The following CSMD1 variants were observed in gnomAD, a reference collection of about 807,000 sequenced individuals.
The protein encoded by CSMD1 is CUB and Sushi multiple domains 1, also known as CUB and sushi domain-containing protein 1.
Under a neutral mutation model 417.5 loss-of-function variants are expected in CSMD1, and 213 were observed. That is an observed-to-expected ratio of 0.51 (90% CI 0.46 to 0.57). The LOEUF (loss-of-function observed/expected upper bound fraction) is 0.57. CSMD1 is among the 20% of genes least tolerant of loss of function. The pLI, the probability that CSMD1 is intolerant of heterozygous loss-of-function variation, is 0.00. For synonymous variants in CSMD1, 2,862 were observed against 1,736.8 expected, an observed-to-expected ratio of 1.65 and a Z score of -16.11; for missense variants, 6,923 against 4,529.7, an observed-to-expected ratio of 1.53 and a Z score of -15.17.
At chr8:4,401,708 C>A (rs982852033) in intron 3 of CSMD1, among the ~76,000 whole-genome samples, 1 of 151,762 alleles carries the variant, frequency 6.6e-6, no homozygotes, top group Non-Finnish European at 1.5e-5. Flanking sequence ...TCTAATCCTC[C>A]TTCTTTGAGA....
At chr8:4,354,022 C>G (rs771372492) in intron 3 of CSMD1, among the ~76,000 whole-genome samples, 1 of 152,178 alleles carries the variant, frequency 6.6e-6, no homozygotes, top group African/African-American at 2.4e-5. Context: ...ATTCTTCAGG[C>G]TTTTTCCTCT....
intron 12 of CSMD1, among the ~76,000 whole-genome samples, chr8:3,459,195 T>G (rs1465842645): frequency 6.6e-6 from 1 of 152,142 alleles, no homozygotes; most frequent in Non-Finnish European, 1.5e-5. Context: ...AGTGACTTGC[T>G]CTGTGGTGGC....
intron 2 of CSMD1, among the ~76,000 whole-genome samples, chr8:4,465,107 T>G (rs1449290494): frequency 6.6e-6 from 1 of 152,162 alleles, no homozygotes; most frequent in Non-Finnish European, 1.5e-5. Context: ...TGGGAGACAC[T>G]AACAGTTAAT....
chr8:3,804,885 T>C (rs1435810258), intron 5 of CSMD1, among the ~76,000 whole-genome samples: 3 of 152,094 alleles, frequency 2.0e-5, no homozygotes, highest in African/African-American at 4.8e-5. Context: ...AAAAGTAGCA[T>C]GGATTAGTGA....
chr8:3,244,934 T>A (rs1445234675), intron 26 of CSMD1, among the ~76,000 whole-genome samples: 1 of 152,154 alleles, frequency 6.6e-6, no homozygotes, highest in Non-Finnish European at 1.5e-5. Context: ...CTGACTCCCT[T>A]CGGGAACATG....
chr8:4,079,647 A>T (rs1800017755), intron 3 of CSMD1, among the ~76,000 whole-genome samples: 1 of 152,228 alleles, frequency 6.6e-6, no homozygotes, highest in Non-Finnish European at 1.5e-5. Context: ...ACACAGACAC[A>T]TTGTTTCAGC....
intron 63 of CSMD1, among the ~76,000 whole-genome samples, chr8:2,956,820 T>C (rs2128922869): frequency 6.6e-6 from 1 of 152,250 alleles, no homozygotes; most frequent in South Asian, 2.1e-4. Flanking sequence ...CACTAATTAG[T>C]AACCACAACA....
At chr8:3,792,490 G>A (rs1002918784) in intron 5 of CSMD1, among the ~76,000 whole-genome samples, 1 of 152,054 alleles carries the variant, frequency 6.6e-6, no homozygotes, top group African/African-American at 2.4e-5. Flanking sequence ...ATGCCAAAGC[G>A]TTTTTGCAAC....
intron 2 of CSMD1, among the ~76,000 whole-genome samples, chr8:4,469,384 G>C (rs975004820): frequency 1.3e-5 from 2 of 152,130 alleles, no homozygotes; most frequent in African/African-American, 4.8e-5. Flanking sequence ...GGTGCAAAAC[G>C]GCTGGTGTCA....
chr8:4,009,677 GA>G (rs1816393866), intron 4 of CSMD1, among the ~76,000 whole-genome samples: 40 of 152,136 alleles, frequency 2.6e-4, no homozygotes, highest in African/African-American at 9.4e-4. Context: ...AATACTGGGA[GA>G]TATTATTGAG....
In CSMD1 at chr8:4,816,032, G is replaced by C. The variant is rs36125005; in HGVS notation, c.85+178300C>G. ...CACGCTATTAAGGAAAGCAGGTGCAGAGGCTTACCAGGTGCACAGATAAAC... is the reference window on the plus strand; with the variant it reads ...CACGCTATTAAGGAAAGCAGGTGCACAGGCTTACCAGGTGCACAGATAAAC... On this transcript the variant is annotated intron_variant, in intron 1 of 69. Transcript: ENST00000635120. 9.5e-3 allele frequency among the ~76,000 whole-genome samples: 1,440 copies of C among 152,288 alleles called. 12 individuals carry two copies. The highest frequency in any genetic ancestry group is 0.016 in the Non-Finnish European group (1,103 of 68,028).
intron 3 of CSMD1, among the ~76,000 whole-genome samples, chr8:4,399,268 C>T (rs1232299655): frequency 2.0e-5 from 3 of 152,112 alleles, no homozygotes; most frequent in Non-Finnish European, 4.4e-5. Context: ...ACAAAAACAG[C>T]AACAAAGGAC....
At chr8:4,629,389 G>C (rs1025142196) in intron 2 of CSMD1, among the ~76,000 whole-genome samples, 1 of 152,076 alleles carries the variant, frequency 6.6e-6, no homozygotes, top group Non-Finnish European at 1.5e-5. Flanking sequence ...TTTTAACTTG[G>C]TTCGAATATA....
intron 3 of CSMD1, among the ~76,000 whole-genome samples, chr8:4,319,824 G>C (rs1214853080): frequency 6.6e-6 from 1 of 152,068 alleles, no homozygotes; most frequent in Non-Finnish European, 1.5e-5. Context: ...AGGACCCTCG[G>C]GGTCTTCAGC....
In CSMD1 at chr8:4,508,836, T is replaced by G. The variant is rs75791074; in HGVS notation, c.303-88771A>C. Among the ~76,000 whole-genome samples the G allele has an allele frequency of 9.4e-3, 1,408 of 150,250 alleles. 27 individuals carry two copies. Among genetic ancestry groups the G allele is most frequent in the African/African-American group, 0.034 (1,354 of 40,300 alleles). Reference sequence around the variant, plus strand: ...ATTTAAAAATATTAAATTTTAGTGGTTTTTTTTTGGAATGTAAGCTTTCTG... The same window carrying G: ...ATTTAAAAATATTAAATTTTAGTGGGTTTTTTTTGGAATGTAAGCTTTCTG... On this transcript the variant is annotated intron_variant, in intron 2 of 69. Coordinates refer to ENST00000635120, the MANE Select transcript of CSMD1 (RefSeq NM_033225.6).
At chr8:4,156,921 G>C (rs537623370) in intron 3 of CSMD1, among the ~76,000 whole-genome samples, 77 of 152,224 alleles carry the variant, frequency 5.1e-4, no homozygotes, top group African/African-American at 1.8e-3. Flanking sequence ...CCGGACATTT[G>C]TGAGGGTTAC....
chr8:4,300,060 A>G (rs1229473293), intron 3 of CSMD1, among the ~76,000 whole-genome samples: 2 of 152,250 alleles, frequency 1.3e-5, no homozygotes, highest in South Asian at 2.1e-4. Context: ...AACTTCTCAT[A>G]CATGTCAGAA....
At chr8:4,698,778 A>G (rs1462053841) in intron 1 of CSMD1, among the ~76,000 whole-genome samples, 1 of 151,748 alleles carries the variant, frequency 6.6e-6, no homozygotes, top group Non-Finnish European at 1.5e-5. Flanking sequence ...ATTCCACCAT[A>G]TAAAAACAAT....
chr8:4,848,396 C>G (rs546397897), intron 1 of CSMD1, among the ~76,000 whole-genome samples: 3 of 152,328 alleles, frequency 2.0e-5, no homozygotes, highest in African/African-American at 7.2e-5. Flanking sequence ...CTGAAAAATT[C>G]CTATGAGCTA....
Sources: gnomAD v4.1 joint callset for allele counts (sites outside exome capture counted in the v4.1 genomes callset) on GRCh38, gnomAD v4.1.1 for gene constraint, MANE v1.5 for transcripts, NCBI Gene and HGNC (gene_info 2026-07-23, HGNC 2026-07-21) for gene names.